The following DPYSL5 variants were observed in gnomAD, a reference collection of about 807,000 sequenced individuals.
DPYSL5 encodes the protein dihydropyrimidinase-related protein 5.
DPYSL5 carries 9 observed loss-of-function variants against 58.4 expected under a neutral mutation model. The ratio of observed to expected loss-of-function variants is 0.15; its 90% confidence interval spans 0.09 to 0.27. The LOEUF (loss-of-function observed/expected upper bound fraction) is 0.27. DPYSL5 is among the 10% of genes least tolerant of loss of function. The pLI is 1.00. For missense variants in DPYSL5, 499 were observed against 770.6 expected (o/e 0.65, Z 4.17); for synonymous variants, 293 against 301.9 (o/e 0.97, Z 0.31).
At chr2:26,850,038 G>T (rs923515941) in intron 1 of DPYSL5, among the ~76,000 whole-genome samples, 1 of 152,226 alleles carries the variant, frequency 6.6e-6, no homozygotes, top group Non-Finnish European at 1.5e-5. Context: ...CAGCGGCTTT[G>T]TCTGCCGAGG....
At chr2:26,932,048 G>GGAAAGAAAGAAAGAAAGAAAGAAA (rs149642423) in intron 6 of DPYSL5, among the ~76,000 whole-genome samples, 2 of 47,620 alleles carry the variant, frequency 4.2e-5, no homozygotes, top group African/African-American at 2.0e-4. Flanking sequence ...AAGAAAGAAA[G>GGAAAGAAAGAAAGAAAGAAAGAAA]GAAAGAAAGA....
chr2:26,932,185 A>AAGAAAGACAGAC lies in DPYSL5; in HGVS notation c.714+508_714+509insCAGACAGAAAGA, dbSNP rs1553321118. ...AAAGAAAGAAAGAAAGAAAGAAAGAAAGAAAGAAAGAAAGAAAGAAAGAAA... is the reference window on the plus strand; with the variant it reads ...AAAGAAAGAAAGAAAGAAAGAAAGAAAGAAAGACAGACAGAAAGAAAGAAAGAAAGAAAGAAA... On this transcript the variant is annotated intron_variant, in intron 6 of 12. Transcript: ENST00000288699. Among the ~76,000 whole-genome samples, 23 of 70,374 alleles carry AAGAAAGACAGAC rather than the reference A, an allele frequency of 3.3e-4. 1 individual carries two copies. Among genetic ancestry groups the AAGAAAGACAGAC allele is most frequent in the East Asian group, 1.7e-3 (4 of 2,382 alleles). 46.2% of individuals were successfully genotyped at this position (70,374 alleles called of 152,430 possible).
intron 11 of DPYSL5, among the ~76,000 whole-genome samples, chr2:26,943,033 G>A (rs1665366397): frequency 6.6e-6 from 1 of 152,212 alleles, no homozygotes; most frequent in Non-Finnish European, 1.5e-5. Flanking sequence ...GTGAGTGTGT[G>A]CGACCGCTGA....
chr2:26,893,852 C>A (rs926785424), intron 1 of DPYSL5, among the ~76,000 whole-genome samples: 1 of 151,956 alleles, frequency 6.6e-6, no homozygotes, highest in African/African-American at 2.4e-5. Context: ...AAATTTACTG[C>A]GTATAAAAGT....
rs1454612905 is a variant in DPYSL5, at chr2:26,848,206, C to G, written c.-53C>G. 6.6e-6 allele frequency: 1 copy of G among 151,766 alleles called. No individual in the cohort carries two copies. The highest frequency in any genetic ancestry group is 1.5e-5 in the Non-Finnish European group (1 of 67,952). 9.4% of individuals were successfully genotyped at this position (151,766 alleles called of 1,614,324 possible). A position where few individuals can be genotyped will look rare whatever the true frequency, so the allele number is the denominator to read the frequency against. ...CCGCAGCTCCGGCGCCGCGGCGAGA[C>G]GGAGACGGACCGAGCCACGGGCCCC... On this transcript the variant is annotated 5_prime_UTR_variant, in exon 1 of 13. Transcript: ENST00000288699.
chr2:26,880,249 C>G (rs1368373640), intron 1 of DPYSL5, among the ~76,000 whole-genome samples: 1 of 152,224 alleles, frequency 6.6e-6, no homozygotes, highest in Non-Finnish European at 1.5e-5. Context: ...CAGGGAACCT[C>G]CCAGCATTCA....
Position 26,934,439 on chromosome 2 carries a change from C to T in DPYSL5, c.791-139C>T. 3 of 1,035,260 alleles carry T rather than the reference C, an allele frequency of 2.9e-6. No homozygotes were observed. Among genetic ancestry groups the T allele is most frequent in the Non-Finnish European group, 4.1e-6 (3 of 726,440 alleles). 64.1% of individuals were successfully genotyped at this position (1,035,260 alleles called of 1,614,324 possible). A position where few individuals can be genotyped will look rare whatever the true frequency, so the allele number is the denominator to read the frequency against. On this transcript the variant is annotated intron_variant, in intron 7 of 12. Transcript: ENST00000288699. The surrounding 1 kb of genome is among the most constrained non-coding windows in gnomAD (Gnocchi z 4.3). ...CTCTGGGCTTGAACCCAGCTGTGCT[C>T]TTAAAAGCCCTGTGAGCTTGGGCAG...
intron 2 of DPYSL5, among the ~76,000 whole-genome samples, chr2:26,901,370 T>C (rs1664150074): frequency 6.6e-6 from 1 of 152,140 alleles, no homozygotes; most frequent in African/African-American, 2.4e-5. Context: ...CCCAGAGTCC[T>C]GAAATTCCTG....
chr2:26,871,434 A>G (rs1355753447), intron 1 of DPYSL5, among the ~76,000 whole-genome samples: 3 of 152,192 alleles, frequency 2.0e-5, no homozygotes, highest in Admixed American at 2.0e-4. Flanking sequence ...TGAAAGAAAG[A>G]TTACATTATT....
intron 12 of DPYSL5, among the ~76,000 whole-genome samples, chr2:26,945,405 T>C (rs1466862152): frequency 6.6e-6 from 1 of 152,090 alleles, no homozygotes; most frequent in Non-Finnish European, 1.5e-5. Context: ...CTCTTATCTT[T>C]CTGTCCTTTG....
At chr2:26,895,466 A>G (rs1243642663) in intron 1 of DPYSL5, among the ~76,000 whole-genome samples, 1 of 152,190 alleles carries the variant, frequency 6.6e-6, no homozygotes, top group Non-Finnish European at 1.5e-5. Context: ...ATTGACAGAT[A>G]AAATTGTATG....
chr2:26,912,569 G>GT (rs1256915780), intron 2 of DPYSL5, among the ~76,000 whole-genome samples: 2 of 152,160 alleles, frequency 1.3e-5, no homozygotes, highest in Non-Finnish European at 1.5e-5. Flanking sequence ...GTGTGCCTCT[G>GT]TTTCAGAGCG....
chr2:26,888,255 T>TCTG (rs1663776825), intron 1 of DPYSL5, among the ~76,000 whole-genome samples: 2 of 108,188 alleles, frequency 1.8e-5, no homozygotes, highest in Non-Finnish European at 3.5e-5. Context: ...CTTTCTTTCT[T>TCTG]TCTTTCTTTC....
In DPYSL5 at chr2:26,940,043, C is replaced by T. The variant is rs1665275652; in HGVS notation, c.960C>T (p.Asn320=). The part of the protein sequence containing the change: ...LMSLLANDTL[N]IVASDHRPFT... ...TTTCTCTACCCAGTGACACTCTGAACATCGTGGCATCAGATCACCGGCCTT... is the reference window on the plus strand; with the variant it reads ...TTTCTCTACCCAGTGACACTCTGAATATCGTGGCATCAGATCACCGGCCTT... Residue 320 remains asparagine, a synonymous_variant, in exon 9 of 13, where the codon AAC becomes AAT. Coordinates refer to ENST00000288699, the MANE Select transcript of DPYSL5 (RefSeq NM_020134.4). The T allele has an allele frequency of 6.2e-7, 1 of 1,614,186 alleles. No homozygotes were observed. Among genetic ancestry groups the T allele is most frequent in the Non-Finnish European group, 8.5e-7 (1 of 1,180,022 alleles).
intron 1 of DPYSL5, among the ~76,000 whole-genome samples, chr2:26,857,359 C>T (rs906967694): frequency 2.0e-5 from 3 of 151,928 alleles, no homozygotes; most frequent in Admixed American, 6.6e-5. Flanking sequence ...CAACATATAG[C>T]GAAACCCCGT....
At chr2:26,859,128 G>A (rs753147499) in intron 1 of DPYSL5, among the ~76,000 whole-genome samples, 5 of 152,086 alleles carry the variant, frequency 3.3e-5, no homozygotes, top group African/African-American at 7.2e-5. Flanking sequence ...GCAGTCTTCA[G>A]TTCCGTTGGA....
At position 26,934,830 on chromosome 2, in the gene DPYSL5, A is replaced by T; in HGVS notation, c.947+96A>T. Reference sequence around the variant, plus strand: ...ACAAATCTGAGCTAGGTTTGATTTCATTGTGCCCATAGGATCATTGTGCTT... The same window carrying T: ...ACAAATCTGAGCTAGGTTTGATTTCTTTGTGCCCATAGGATCATTGTGCTT... On this transcript the variant is annotated intron_variant, in intron 8 of 12. Transcript: ENST00000288699. The surrounding 1 kb of genome is among the most constrained non-coding windows in gnomAD (Gnocchi z 4.3). 6.8e-7 allele frequency: 1 copy of T among 1,479,666 alleles called. No homozygotes were observed. The highest frequency in any genetic ancestry group is 1.3e-5 in the South Asian group (1 of 79,704). The allele number at this position is 1,479,666 out of a possible 1,614,324, so 91.7% of individuals were successfully genotyped here. A position where few individuals can be genotyped will look rare whatever the true frequency, so the allele number is the denominator to read the frequency against.
At chr2:26,863,328 G>A (rs909807203) in intron 1 of DPYSL5, among the ~76,000 whole-genome samples, 14 of 152,206 alleles carry the variant, frequency 9.2e-5, no homozygotes, top group African/African-American at 3.4e-4. Flanking sequence ...TGCTGACCAG[G>A]AGTGTGGGAC....
In DPYSL5 at chr2:26,871,711, G is replaced by A. The variant is rs573815013; in HGVS notation, c.-5+23457G>A. Among the ~76,000 whole-genome samples, 14 of 152,220 alleles carry A rather than the reference G, an allele frequency of 9.2e-5. No individual in the cohort carries two copies. In the South Asian group the frequency reaches 2.7e-3, roughly 29 times the overall value. Reference sequence around the variant, plus strand: ...CCGCCTCGGCCTTCCAAAGTGCTGGGATTACAGATGTGAGCCACCACACCC... The same window carrying A: ...CCGCCTCGGCCTTCCAAAGTGCTGGAATTACAGATGTGAGCCACCACACCC... On this transcript the variant is annotated intron_variant, in intron 1 of 12. Coordinates refer to ENST00000288699, the MANE Select transcript of DPYSL5 (RefSeq NM_020134.4).
Sources: allele counts gnomAD v4.1 joint callset (sites outside exome capture counted in the v4.1 genomes callset), GRCh38; gene constraint gnomAD v4.1.1; non-coding constraint Gnocchi (gnomAD v3.1); transcripts MANE v1.5; gene names NCBI Gene and HGNC (gene_info 2026-07-23, HGNC 2026-07-21).